The following NKAIN2 variants were observed in gnomAD, a reference collection of about 807,000 sequenced individuals.
NKAIN2 encodes the protein sodium/potassium-transporting ATPase subunit beta-1-interacting protein 2.
Under a neutral mutation model 32.6 loss-of-function variants are expected in NKAIN2, and 14 were observed. The ratio of observed to expected loss-of-function variants is 0.43; its 90% CI spans 0.28 to 0.67. NKAIN2 has a LOEUF of 0.67. Among genes scored for constraint, NKAIN2 ranks in the 30% least tolerant of loss-of-function variants. The pLI, the probability that NKAIN2 is intolerant of heterozygous loss-of-function variation, is 0.17. For missense variants in NKAIN2, 198 were observed against 258.3 expected (o/e 0.77, Z 1.60); for synonymous variants, 80 against 87.2 (o/e 0.92, Z 0.46).
At chr6:124,464,792 G>T (rs947155980) in intron 3 of NKAIN2, among the ~76,000 whole-genome samples, 1 of 152,078 alleles carries the variant, frequency 6.6e-6, no homozygotes, top group Admixed American at 6.6e-5. Context: ...TTTGAAGTCA[G>T]GTCACGTGAT....
At chr6:124,180,095 C>A (rs1789363227) in intron 1 of NKAIN2, among the ~76,000 whole-genome samples, 1 of 151,600 alleles carries the variant, frequency 6.6e-6, no homozygotes, top group Non-Finnish European at 1.5e-5. Context: ...GGCATGTAAG[C>A]AAATAGATAT....
chr6:124,343,478 C>T (rs986135205), intron 2 of NKAIN2, among the ~76,000 whole-genome samples: 5 of 151,782 alleles, frequency 3.3e-5, no homozygotes, highest in African/African-American at 9.7e-5. Context: ...TTCTCCACAT[C>T]CTCTCCAGCA....
intron 2 of NKAIN2, among the ~76,000 whole-genome samples, chr6:124,353,155 A>C (rs1259897767): frequency 6.6e-6 from 1 of 152,200 alleles, no homozygotes; most frequent in Non-Finnish European, 1.5e-5. Flanking sequence ...ATTGACTTAC[A>C]AAACATTGTC....
chr6:123,809,464 T>C (rs1314285541), intron 1 of NKAIN2, among the ~76,000 whole-genome samples: 1 of 152,186 alleles, frequency 6.6e-6, no homozygotes. Flanking sequence ...TTAAAAATTA[T>C]GAAGGAACAA....
chr6:124,145,450 C>A (rs1787351974), intron 1 of NKAIN2, among the ~76,000 whole-genome samples: 1 of 152,142 alleles, frequency 6.6e-6, no homozygotes, highest in African/African-American at 2.4e-5. Flanking sequence ...ATATATGAAA[C>A]AACCTGGATG....
chr6:124,462,031 A>C (rs1776552081), intron 3 of NKAIN2, among the ~76,000 whole-genome samples: 1 of 151,938 alleles, frequency 6.6e-6, no homozygotes, highest in African/African-American at 2.4e-5. Flanking sequence ...ATTAAATTCT[A>C]GGACTAACAC....
chr6:124,037,334 A>G (rs1391883210), intron 1 of NKAIN2, among the ~76,000 whole-genome samples: 1 of 152,170 alleles, frequency 6.6e-6, no homozygotes, highest in Non-Finnish European at 1.5e-5. Flanking sequence ...GACATCTGAC[A>G]TGGAAAGACT....
At chr6:124,400,872 C>G (rs76293989) in intron 3 of NKAIN2, among the ~76,000 whole-genome samples, 3 of 152,084 alleles carry the variant, frequency 2.0e-5, no homozygotes, top group African/African-American at 7.2e-5. Context: ...TTTTTATGGT[C>G]ACACCTATTT....
At chr6:123,951,856 A>G (rs1202832523) in intron 1 of NKAIN2, among the ~76,000 whole-genome samples, 1 of 151,632 alleles carries the variant, frequency 6.6e-6, no homozygotes. Context: ...ATTTATGGTT[A>G]TTTTATGTTT....
At chr6:124,730,794 T>A (rs990594271) in intron 4 of NKAIN2, among the ~76,000 whole-genome samples, 1 of 151,050 alleles carries the variant, frequency 6.6e-6, no homozygotes, top group Non-Finnish European at 1.5e-5. Flanking sequence ...TGGGAGAAAA[T>A]TTTTGCAACC....
rs538649284 is a variant in NKAIN2 at position 124,035,480 on chromosome 6, C to T, written c.54+231226C>T. On this transcript the variant is annotated intron_variant, in intron 1 of 6. Transcript: ENST00000368417. ...TGCATTAGTTTCCCCCGAAATCATT[C>T]CCAGCTAATCTCCTGTAGTTTCCAA... Among the ~76,000 whole-genome samples the T allele has an allele frequency of 2.6e-5, 4 of 152,220 alleles. No individual in the cohort carries two copies. In the South Asian group the frequency reaches 8.3e-4, roughly 32 times the overall value.
At chr6:124,295,308 T>TCTC (rs1202134528) in intron 2 of NKAIN2, among the ~76,000 whole-genome samples, 1 of 151,830 alleles carries the variant, frequency 6.6e-6, no homozygotes, top group African/African-American at 2.4e-5. Context: ...CTTTTCTTCT[T>TCTC]CTTACTATTA....
Position 124,247,015 on chromosome 6 carries a change from G to A in NKAIN2, c.55-35990G>A, listed in dbSNP as rs111285286. Among the ~76,000 whole-genome samples the A allele has an allele frequency of 2.5e-3, 387 of 152,028 alleles. 1 individual carries two copies. The highest frequency in any genetic ancestry group is 8.9e-3 in the African/African-American group (371 of 41,490). ...TTCACCTTCCTGAGGCCTCTGGCAG[G>A]TCTTTGCACATAATTTCTACATTTC... On this transcript the variant is annotated intron_variant, in intron 1 of 6. Coordinates refer to ENST00000368417, the MANE Select transcript of NKAIN2 (RefSeq NM_001040214.3).
At position 124,754,178 on chromosome 6, in the gene NKAIN2, G is replaced by A. The variant is rs550665597; in HGVS notation, c.475-37161G>A. 1.2e-4 allele frequency among the ~76,000 whole-genome samples: 18 copies of A among 152,124 alleles called. No homozygotes were observed. The South Asian group carries it at 3.1e-3, about 26-fold the overall frequency. On this transcript the variant is annotated intron_variant, in intron 4 of 6. Transcript: ENST00000368417. ...ATTGAGACTCTTACCTGAGAACCTG[G>A]AAACCTGAAGTCATTTGCAATGACT...
chr6:124,180,988 C>T (rs912595436), intron 1 of NKAIN2, among the ~76,000 whole-genome samples: 1 of 152,174 alleles, frequency 6.6e-6, no homozygotes, highest in Admixed American at 6.5e-5. Flanking sequence ...TCTACACTGC[C>T]CTAGCAGAGG....
At chr6:124,582,807 A>G (rs1781571110) in intron 3 of NKAIN2, among the ~76,000 whole-genome samples, 1 of 152,198 alleles carries the variant, frequency 6.6e-6, no homozygotes, top group Non-Finnish European at 1.5e-5. Flanking sequence ...GGATGCAAAA[A>G]TGGTTTGACA....
chr6:124,491,399 C>A (rs1777858622), intron 3 of NKAIN2, among the ~76,000 whole-genome samples: 1 of 151,976 alleles, frequency 6.6e-6, no homozygotes, highest in Non-Finnish European at 1.5e-5. Context: ...AATTTCAATT[C>A]TCTGATTATT....
At chr6:124,753,549 A>G (rs943250619) in intron 4 of NKAIN2, among the ~76,000 whole-genome samples, 1 of 152,148 alleles carries the variant, frequency 6.6e-6, no homozygotes, top group East Asian at 1.9e-4. Flanking sequence ...ATGGACCACA[A>G]TGGGCATGAA....
intron 1 of NKAIN2, among the ~76,000 whole-genome samples, chr6:124,243,293 G>A (rs762312106): frequency 1.3e-5 from 2 of 151,924 alleles, no homozygotes; most frequent in Non-Finnish European, 2.9e-5. Context: ...CCAGGAGTTG[G>A]AGACCACTCT....
Sources: gnomAD v4.1 joint callset for allele counts (sites outside exome capture counted in the v4.1 genomes callset) on GRCh38, gnomAD v4.1.1 for gene constraint, MANE v1.5 for transcripts, NCBI Gene and HGNC (gene_info 2026-07-23, HGNC 2026-07-21) for gene names.